ARID4A: variants seen among roughly 807,000 people sequenced by gnomAD.
ARID4A encodes the protein AT-rich interaction domain 4A, also known as AT-rich interactive domain-containing protein 4A.
ARID4A carries 39 observed loss-of-function variants against 148.6 expected under a neutral mutation model. The observed-to-expected ratio is 0.26, with a 90% CI of 0.20 to 0.34. The LOEUF (loss-of-function observed/expected upper bound fraction) is 0.34. Ranked by LOEUF, ARID4A falls within the 10% of genes least tolerant of loss-of-function variation. ARID4A has a pLI of 1.00. For missense variants in ARID4A, 1,265 were observed against 1,449.1 expected (o/e 0.87, Z 2.06); for synonymous variants, 475 against 481.2 (o/e 0.99, Z 0.17).
At chr14:58,316,648 T>G (rs758129477) in intron 5 of ARID4A, among the ~76,000 whole-genome samples, 44 of 152,234 alleles carry the variant, frequency 2.9e-4, no homozygotes, top group Admixed American at 5.9e-4. Context: ...TGGCGCAATC[T>G]CTGCTCACTG....
At chr14:58,350,826 A>G (rs1358115499) in intron 15 of ARID4A, among the ~76,000 whole-genome samples, 2 of 152,108 alleles carry the variant, frequency 1.3e-5, no homozygotes, top group African/African-American at 4.8e-5. Flanking sequence ...TACTTTTTTC[A>G]TTCAAACAGA....
chr14:58,316,960 A>G, intron 5 of ARID4A, among the ~76,000 whole-genome samples: 1 of 151,326 alleles, frequency 6.6e-6, no homozygotes, highest in South Asian at 2.1e-4. Flanking sequence ...TGGGAGGCTG[A>G]GGCAGGTGAA....
At chr14:58,323,996 C>T (rs374428324) in intron 8 of ARID4A, among the ~76,000 whole-genome samples, 7 of 144,262 alleles carry the variant, frequency 4.9e-5, no homozygotes, top group African/African-American at 1.8e-4. Context: ...GCTCTGCCTT[C>T]CGGGTTCACG....
chr14:58,330,382 T>C (rs1212849531), intron 11 of ARID4A, among the ~76,000 whole-genome samples: 2 of 152,140 alleles, frequency 1.3e-5, no homozygotes, highest in Non-Finnish European at 2.9e-5. Context: ...AGAAAATACT[T>C]TTCAGGTTAG....
intron 19 of ARID4A, among the ~76,000 whole-genome samples, chr14:58,362,773 G>T (rs1386237504): frequency 2.0e-5 from 3 of 152,010 alleles, no homozygotes; most frequent in Admixed American, 1.3e-4. Context: ...AGCCACGCTG[G>T]TCTCGCACTC....
At chr14:58,305,149 T>G in intron 4 of ARID4A, 140 bp downstream of exon 4, 1 of 647,610 alleles carries the variant, frequency 1.5e-6, no homozygotes, top group Non-Finnish European at 2.5e-6. Flanking sequence ...TAAATATAAT[T>G]AGTATAAATT....
rs1477820880 is a variant in ARID4A at position 58,353,806 on chromosome 14, G to A, written c.1804G>A (p.Asp602Asn). The change falls in exon 17 of 24, where the codon GAT becomes AAT. Residue 602 changes from aspartate (D) to asparagine (N), a missense_variant. By Grantham distance (23) the Asp-to-Asn change is conservative (BLOSUM62 1). Transcript: ENST00000355431. ...YEASIKSTEI[D>N]DGEVLYLVHY... Reference sequence around the variant, plus strand: ...AGCCAGTATTAAAAGCACTGAAATTGATGACGGAGAAGTTTTATATTTGGT... The same window carrying A: ...AGCCAGTATTAAAAGCACTGAAATTAATGACGGAGAAGTTTTATATTTGGT... The A allele has an allele frequency of 6.2e-7, 1 of 1,613,934 alleles. No homozygotes were observed. The highest frequency in any genetic ancestry group is 1.7e-5 in the Admixed American group (1 of 60,022).
In ARID4A at chr14:58,372,693, T is replaced by C; in HGVS notation, c.*704T>C. The C allele has an allele frequency of 5.3e-6, 1 of 187,146 alleles. No homozygotes were observed. Among genetic ancestry groups the C allele is most frequent in the Non-Finnish European group, 1.1e-5 (1 of 88,356 alleles). The allele number at this position is 187,146 out of a possible 1,614,324, so 11.6% of individuals were successfully genotyped here. A position where few individuals can be genotyped will look rare whatever the true frequency, so the allele number is the denominator to read the frequency against. On this transcript the variant is annotated 3_prime_UTR_variant, in exon 24 of 24. Transcript: ENST00000355431. ...TGAATAAGTTTTCAGTGGACTATCTTATCCCTTGACAAAAATATTTTGTCT... is the reference window on the plus strand; with the variant it reads ...TGAATAAGTTTTCAGTGGACTATCTCATCCCTTGACAAAAATATTTTGTCT...
intron 11 of ARID4A, among the ~76,000 whole-genome samples, chr14:58,340,223 A>ACTT (rs141489412): frequency 1.5e-4 from 23 of 150,884 alleles, no homozygotes; most frequent in Non-Finnish European, 2.5e-4. Context: ...TTTTTTTTCT[A>ACTT]CTTCTTCTTC....
intron 12 of ARID4A, 56 bp from the exon 13 acceptor site, chr14:58,346,355 A>C: frequency 7.7e-7 from 1 of 1,296,512 alleles, no homozygotes; most frequent in Non-Finnish European, 1.1e-6. Context: ...TTTGTTTTCA[A>C]ATTAGTATTT....
chr14:58,361,204 G>A, intron 19 of ARID4A, 162 bp downstream of exon 19: 1 of 770,324 alleles, frequency 1.3e-6, no homozygotes, highest in Non-Finnish European at 1.6e-6. Context: ...AGTATCCCTT[G>A]CCCAAAATGC....
rs768655083 is a variant in ARID4A, at chr14:58,366,074, T to C, written c.3367T>C (p.Cys1123Arg). The C allele has an allele frequency of 6.2e-7, 1 of 1,613,862 alleles. No individual in the cohort carries two copies. Among genetic ancestry groups the C allele is most frequent in the Non-Finnish European group, 8.5e-7 (1 of 1,179,796 alleles). Residue 1123 changes from cysteine (C) to arginine (R), a missense_variant, in exon 22 of 24, where the codon TGT becomes CGT. By Grantham distance (180) the Cys-to-Arg change is radical. Coordinates refer to ENST00000355431, the MANE Select transcript of ARID4A (RefSeq NM_002892.4). Reference sequence around the variant, plus strand: ...TCCTGTCCTAGACAATTCAAGTAAATGTACCCCAGTAAAGCATCTTAATGT... The same window carrying C: ...TCCTGTCCTAGACAATTCAAGTAAACGTACCCCAGTAAAGCATCTTAATGT... ...DLPVLDNSSK[C>R]TPVKHLNVSK...
intron 19 of ARID4A, among the ~76,000 whole-genome samples, chr14:58,362,445 C>T (rs972532088): frequency 6.6e-6 from 1 of 151,870 alleles, no homozygotes; most frequent in African/African-American, 2.4e-5. Context: ...TAAAAATTAG[C>T]CAGGCATGGT....
intron 1 of ARID4A, 110 bp downstream of exon 1, chr14:58,298,810 G>GATCC (rs1353200868): frequency 1.3e-5 from 2 of 152,296 alleles, no homozygotes; most frequent in Non-Finnish European, 2.9e-5. Flanking sequence ...GGTGGGGAGA[G>GATCC]GGATGCTAGG....
Position 58,364,343 on chromosome 14 carries a change from A to T in ARID4A, c.2254A>T (p.Met752Leu), listed in dbSNP as rs1214041453. Residue 752 changes from methionine (M) to leucine (L), a missense_variant, in exon 20 of 24, where the codon ATG becomes TTG. Transcript: ENST00000355431. ...HILKENDRTQMQPLETLKLEV... is the reference protein window; with the variant it reads ...HILKENDRTQLQPLETLKLEV... Reference sequence around the variant, plus strand: ...ATTAAAAGAAAATGATAGGACTCAAATGCAGCCTTTAGAAACCCTGAAGTT... The same window carrying T: ...ATTAAAAGAAAATGATAGGACTCAATTGCAGCCTTTAGAAACCCTGAAGTT... 40 of 1,587,422 alleles carry T rather than the reference A, an allele frequency of 2.5e-5. No homozygotes were observed. Among genetic ancestry groups the T allele is most frequent in the Non-Finnish European group, 3.3e-5 (39 of 1,173,246 alleles).
intron 17 of ARID4A, among the ~76,000 whole-genome samples, chr14:58,357,775 T>G (rs1044447518): frequency 1.3e-5 from 2 of 152,210 alleles, no homozygotes; most frequent in Non-Finnish European, 2.9e-5. Flanking sequence ...TGTACATTTT[T>G]TAGATTTTGA....
intron 11 of ARID4A, among the ~76,000 whole-genome samples, chr14:58,338,387 C>A (rs1005359962): frequency 6.6e-6 from 1 of 152,124 alleles, no homozygotes; most frequent in African/African-American, 2.4e-5. Context: ...CCCGTGAGTC[C>A]TCCAGTCCAG....
At chr14:58,334,770 G>A (rs917205484) in intron 11 of ARID4A, among the ~76,000 whole-genome samples, 1 of 152,056 alleles carries the variant, frequency 6.6e-6, no homozygotes, top group African/African-American at 2.4e-5. Context: ...CAGGAAAAGA[G>A]AGACTATCGA....
At chr14:58,314,697 A>G (rs1000019501) in intron 5 of ARID4A, among the ~76,000 whole-genome samples, 27 of 152,252 alleles carry the variant, frequency 1.8e-4, no homozygotes, top group Non-Finnish European at 3.2e-4. Context: ...CCAAAGCACC[A>G]GGATTACAGG....
Sources: allele counts gnomAD v4.1 joint callset (sites outside exome capture counted in the v4.1 genomes callset), GRCh38; gene constraint gnomAD v4.1.1; transcripts MANE v1.5; gene names NCBI Gene and HGNC (gene_info 2026-07-23, HGNC 2026-07-21).